Variants in SMG6 observed in about 807,000 individuals in gnomAD.
SMG6 encodes SMG6 nonsense mediated mRNA decay factor, also known as telomerase-binding protein EST1A.
SMG6 carries 66 observed loss-of-function variants against 142.2 expected under a neutral mutation model. The ratio of observed to expected loss-of-function variants is 0.46; its 90% CI spans 0.38 to 0.57. The LOEUF is 0.57. Among genes scored for constraint, SMG6 ranks in the 20% least tolerant of loss-of-function variants. The pLI is 0.00. For missense variants in SMG6, 1,793 were observed against 1,832.0 expected (o/e 0.98, Z 0.39); for synonymous variants, 779 against 702.4 (o/e 1.11, Z -1.72).
intron 13 of SMG6, chr17:2,127,510 T>G: frequency 1.5e-6 from 1 of 668,360 alleles, no homozygotes; most frequent in Non-Finnish European, 2.8e-6. Context: ...ATCAAGCTTG[T>G]ATGACTCAAG....
At chr17:2,303,592 G>A (rs1038250936) in intron 1 of SMG6, 41 bp downstream of exon 1, 2 of 1,382,676 alleles carry the variant, frequency 1.4e-6, no homozygotes, top group African/African-American at 1.5e-5. Context: ...AGGGAGGCGG[G>A]GCGGGCAGGC....
intron 10 of SMG6, among the ~76,000 whole-genome samples, chr17:2,232,242 A>T (rs1311363350): frequency 6.6e-6 from 1 of 152,178 alleles, no homozygotes; most frequent in Non-Finnish European, 1.5e-5. Flanking sequence ...CAAAATTTTT[A>T]AAAATTAAAA....
chr17:2,146,843 C>T (rs1054039210), intron 13 of SMG6, among the ~76,000 whole-genome samples: 4 of 152,108 alleles, frequency 2.6e-5, no homozygotes, highest in Non-Finnish European at 4.4e-5. Context: ...TGGGATTACA[C>T]GTGTGAGCCA....
At chr17:2,294,034 T>TTCCAC (rs1396254712) in intron 4 of SMG6, among the ~76,000 whole-genome samples, 1 of 152,010 alleles carries the variant, frequency 6.6e-6, no homozygotes, top group Non-Finnish European at 1.5e-5. Context: ...CACAATATAA[T>TTCCAC]TCCACTCCAC....
At chr17:2,287,501 C>T (rs1192302872) in intron 6 of SMG6, among the ~76,000 whole-genome samples, 1 of 152,008 alleles carries the variant, frequency 6.6e-6, no homozygotes, top group Admixed American at 6.6e-5. Flanking sequence ...TTCTAAAAAC[C>T]TAAAATCAGA....
intron 10 of SMG6, among the ~76,000 whole-genome samples, chr17:2,194,687 C>T (rs1461696774): frequency 9.0e-6 from 1 of 110,556 alleles, no homozygotes; most frequent in African/African-American, 3.5e-5. Flanking sequence ...CTGTCTCTAC[C>T]AAAAGAAAAG....
intron 13 of SMG6, among the ~76,000 whole-genome samples, chr17:2,148,431 A>G (rs1405480446): frequency 2.0e-5 from 3 of 152,284 alleles, no homozygotes; most frequent in Non-Finnish European, 4.4e-5. Context: ...ATTCAGCATT[A>G]AAAAGAAATG....
chr17:2,155,023 C>CA (rs1294174178), intron 13 of SMG6, among the ~76,000 whole-genome samples: 5 of 148,108 alleles, frequency 3.4e-5, no homozygotes, highest in Admixed American at 6.7e-5. Context: ...GATGTTGTCT[C>CA]AAAAAAAACA....
In SMG6 at chr17:2,068,062, C is replaced by T. The variant is rs1298782143; in HGVS notation, c.3835+716G>A. 2.6e-5 allele frequency among the ~76,000 whole-genome samples: 4 copies of T among 152,186 alleles called. No homozygotes were observed. Among genetic ancestry groups the T allele is most frequent in the African/African-American group, 9.7e-5 (4 of 41,436 alleles). ...ATATGAGCCCAGAGCCCAGAGCCCA[C>T]CCTGAGGCTGACCCACCACAGAGCT... On this transcript the variant is annotated intron_variant, in intron 16 of 18. Coordinates refer to ENST00000263073, the MANE Select transcript of SMG6 (RefSeq NM_017575.5). This position sits in a 1 kb window ranked among gnomAD's most constrained non-coding sequence, Gnocchi z 6.7.
chr17:2,099,454 T>C (rs1284334970), intron 13 of SMG6, among the ~76,000 whole-genome samples: 1 of 152,012 alleles, frequency 6.6e-6, no homozygotes, highest in East Asian at 1.9e-4. Context: ...AGAAGTGACA[T>C]TTAATGATCT....
chr17:2,234,919 G>A (rs1026275042), intron 10 of SMG6, among the ~76,000 whole-genome samples: 1 of 152,192 alleles, frequency 6.6e-6, no homozygotes, highest in African/African-American at 2.4e-5. Context: ...ACCTAAAGAA[G>A]CCACAGGTCA....
chr17:2,254,393 G>T (rs1176214783), intron 8 of SMG6, among the ~76,000 whole-genome samples: 1 of 152,158 alleles, frequency 6.6e-6, no homozygotes, highest in Non-Finnish European at 1.5e-5. Context: ...GGAGTACACT[G>T]GTGCAATCCC....
intron 8 of SMG6, among the ~76,000 whole-genome samples, chr17:2,249,170 G>A (rs1338269825): frequency 6.6e-6 from 1 of 151,946 alleles, no homozygotes; most frequent in African/African-American, 2.4e-5. Context: ...TGGGATTACA[G>A]GCGTGAGCCA....
At chr17:2,190,108 A>G (rs1365466846) in intron 10 of SMG6, among the ~76,000 whole-genome samples, 3 of 152,228 alleles carry the variant, frequency 2.0e-5, no homozygotes, top group East Asian at 1.9e-4. Flanking sequence ...GTTGTCAAGA[A>G]AAGTTACCAA....
intron 15 of SMG6, among the ~76,000 whole-genome samples, chr17:2,073,831 C>A (rs1173024808): frequency 6.6e-6 from 1 of 151,852 alleles, no homozygotes; most frequent in Non-Finnish European, 1.5e-5. Flanking sequence ...GTAATCCCAG[C>A]ACTTTGGGAG....
At chr17:2,109,154 A>T (rs2069238533) in intron 13 of SMG6, among the ~76,000 whole-genome samples, 1 of 152,234 alleles carries the variant, frequency 6.6e-6, no homozygotes, top group South Asian at 2.1e-4. Flanking sequence ...CTGGCAAAAT[A>T]GCATTAGAGT....
intron 13 of SMG6, among the ~76,000 whole-genome samples, chr17:2,137,443 T>C (rs1296369260): frequency 3.3e-5 from 5 of 152,126 alleles, no homozygotes; most frequent in Non-Finnish European, 7.4e-5. Context: ...AAAAAACTCC[T>C]TGATGTGACT....
intron 13 of SMG6, among the ~76,000 whole-genome samples, chr17:2,147,600 G>C (rs776285038): frequency 7.9e-5 from 12 of 152,026 alleles, no homozygotes; most frequent in African/African-American, 1.5e-4. Flanking sequence ...GCCAACATCT[G>C]ACACCTTAAT....
chr17:2,300,498 A>T lies in SMG6; in HGVS notation c.255T>A (p.Ser85=). 2 of 1,614,196 alleles carry T rather than the reference A, an allele frequency of 1.2e-6. No individual in the cohort carries two copies. Among genetic ancestry groups the T allele is most frequent in the Non-Finnish European group, 1.7e-6 (2 of 1,180,026 alleles). ...CGGGCTGTGTACCATTTTCAACAGC[A>T]GAGCAATCTCGGTCATTAACAATTT... is the stretch of plus-strand genomic sequence containing the variant. ...KDEIVNDRDC[S]AVENGTQPVK... is the part of the protein sequence containing the mutation. Residue 85 remains serine, a synonymous_variant, in exon 2 of 19, where the codon TCT becomes TCA. Transcript: ENST00000263073.
Sources: allele counts gnomAD v4.1 joint callset (sites outside exome capture counted in the v4.1 genomes callset), GRCh38; gene constraint gnomAD v4.1.1; non-coding constraint Gnocchi (gnomAD v3.1); transcripts MANE v1.5; gene names NCBI Gene and HGNC (gene_info 2026-07-23, HGNC 2026-07-21).